PDZD2: variants seen among roughly 807,000 people sequenced by gnomAD.
The protein encoded by PDZD2 is PDZ domain-containing protein 2.
PDZD2 carries 90 observed loss-of-function variants against 220.7 expected under a neutral mutation model. The ratio of observed to expected loss-of-function variants is 0.41; its 90% confidence interval spans 0.34 to 0.49. The LOEUF is 0.49. Ranked by LOEUF, PDZD2 falls within the 20% of genes least tolerant of loss-of-function variation. The probability of loss-of-function intolerance (pLI) is 0.28; values close to 1 mark genes in which losing one functional copy is unlikely to be tolerated. For synonymous variants in PDZD2, 1,375 were observed against 1,450.5 expected (o/e 0.95, Z 1.18); for missense variants, 3,174 against 3,608.5 (o/e 0.88, Z 3.08).
chr5:32,100,456 C>T (rs536190471), intron 23 of PDZD2: 54 of 237,550 alleles, frequency 2.3e-4, no homozygotes, highest in Non-Finnish European at 4.0e-4. Context: ...CACACAGAGC[C>T]GGCATCACCA....
In PDZD2 at chr5:31,639,704, G is replaced by A. The variant is rs1170868241; in HGVS notation, c.-361+267G>A. 6.6e-6 allele frequency among the ~76,000 whole-genome samples: 1 copy of A among 152,174 alleles called. No individual in the cohort carries two copies. Among genetic ancestry groups the A allele is most frequent in the African/African-American group, 2.4e-5 (1 of 41,460 alleles). Reference sequence around the variant, plus strand: ...AGACAGAGCGGGACCGAGACAGCGGGACAACCGGAGACGCACTGCCGGGGG... The same window carrying A: ...AGACAGAGCGGGACCGAGACAGCGGAACAACCGGAGACGCACTGCCGGGGG... On this transcript the variant is annotated intron_variant, in intron 1 of 24. Transcript: ENST00000438447. This position sits in a 1 kb window ranked among gnomAD's most constrained non-coding sequence, Gnocchi z 4.1.
rs1293089118 is a variant in PDZD2 at position 31,882,984 on chromosome 5, C to T, written c.476+83260C>T. Among the ~76,000 whole-genome samples the T allele has an allele frequency of 2.2e-5, 3 of 135,494 alleles. No individual in the cohort carries two copies. The East Asian group carries it at 6.7e-4, about 30-fold the overall frequency. 88.9% of individuals were successfully genotyped at this position (135,494 alleles called of 152,430 possible). A position where few individuals can be genotyped will look rare whatever the true frequency, so the allele number is the denominator to read the frequency against. On this transcript the variant is annotated intron_variant, in intron 2 of 24. Coordinates refer to ENST00000438447, the MANE Select transcript of PDZD2 (RefSeq NM_178140.4). ...GGCAGAGGTTGCAGTGAGCCAAGATCCTGCCACTGCATTCCATCCTGGGTG... is the reference window on the plus strand; with the variant it reads ...GGCAGAGGTTGCAGTGAGCCAAGATTCTGCCACTGCATTCCATCCTGGGTG...
chr5:32,093,844 G>C (rs577298953), intron 21 of PDZD2, among the ~76,000 whole-genome samples: 281 of 152,188 alleles, frequency 1.8e-3, no homozygotes, highest in Non-Finnish European at 2.0e-3. Context: ...TGGACATGGT[G>C]GTGGGTGCCT....
At chr5:32,033,366 C>G (rs1337949464) in intron 6 of PDZD2, among the ~76,000 whole-genome samples, 1 of 152,188 alleles carries the variant, frequency 6.6e-6, no homozygotes, top group African/African-American at 2.4e-5. Flanking sequence ...CTAAGCAACC[C>G]ACTTCCTGTT....
At chr5:31,878,962 A>G (rs940615041) in intron 2 of PDZD2, among the ~76,000 whole-genome samples, 15 of 152,120 alleles carry the variant, frequency 9.9e-5, no homozygotes, top group Non-Finnish European at 1.8e-4. Flanking sequence ...CTGCATAGAC[A>G]CGGCACTGTC....
intron 14 of PDZD2, among the ~76,000 whole-genome samples, chr5:32,065,069 G>T (rs930720018): frequency 6.6e-6 from 1 of 152,096 alleles, no homozygotes; most frequent in African/African-American, 2.4e-5. Context: ...GGAGGCCGAG[G>T]TGGGCAGATC....
intron 1 of PDZD2, among the ~76,000 whole-genome samples, chr5:31,690,843 T>TG (rs1168390883): frequency 6.6e-6 from 1 of 152,194 alleles, no homozygotes; most frequent in Non-Finnish European, 1.5e-5. Context: ...CATATTTTTT[T>TG]GGGGGGCCAC....
rs1375124844 is a variant in PDZD2 at position 32,053,861 on chromosome 5, A to G, written c.1878A>G (p.Ala626=). The G allele has an allele frequency of 2.5e-6, 4 of 1,602,210 alleles. No homozygotes were observed. The highest frequency in any genetic ancestry group is 2.6e-6 in the Non-Finnish European group (3 of 1,169,270). ...CCATCTTCCCAAATGGATCAGCTGC[A>G]GAGGACGGAAGACTTAAAGAAGGTA... ...VKTIFPNGSA[A]EDGRLKEGDE... is the part of the protein sequence containing the mutation. Residue 626 remains alanine, a synonymous_variant, in exon 10 of 25, where the codon GCA becomes GCG. Transcript: ENST00000438447.
chr5:31,657,268 A>G (rs956336186), intron 1 of PDZD2: 1 of 152,262 alleles, frequency 6.6e-6, no homozygotes, highest in Non-Finnish European at 1.5e-5. Context: ...TGAGGGCAAG[A>G]TGGTGCTATG....
intron 2 of PDZD2, among the ~76,000 whole-genome samples, chr5:31,972,693 A>G (rs1749413540): frequency 6.6e-6 from 1 of 152,250 alleles, no homozygotes; most frequent in South Asian, 2.1e-4. Context: ...AAGAGGAAGA[A>G]AAGTGAAATG....
At chr5:31,647,073 C>G (rs1402638261) in intron 1 of PDZD2, among the ~76,000 whole-genome samples, 2 of 152,100 alleles carry the variant, frequency 1.3e-5, no homozygotes, top group Non-Finnish European at 2.9e-5. Context: ...ATTTTTGGCA[C>G]CTGGGAGATG....
rs533944165 is a variant in PDZD2 at position 32,107,902 on chromosome 5, T to C, written c.8354-67T>C. ...ATTTTTATCACTTAAAAGTTTTTAGTTTACTTAGGATTTTTGAATACTATG... is the reference window on the plus strand; with the variant it reads ...ATTTTTATCACTTAAAAGTTTTTAGCTTACTTAGGATTTTTGAATACTATG... On this transcript the variant is annotated intron_variant, in intron 24 of 24. Transcript: ENST00000438447. The C allele has an allele frequency of 3.7e-6, 4 of 1,078,528 alleles. No homozygotes were observed. In the South Asian group the frequency reaches 6.8e-5, roughly 18 times the overall value. The allele number at this position is 1,078,528 out of a possible 1,614,324, so 66.8% of individuals were successfully genotyped here. A position where few individuals can be genotyped will look rare whatever the true frequency, so the allele number is the denominator to read the frequency against.
intron 2 of PDZD2, among the ~76,000 whole-genome samples, chr5:31,866,255 T>C (rs1285648257): frequency 6.6e-6 from 1 of 152,056 alleles, no homozygotes; most frequent in Non-Finnish European, 1.5e-5. Flanking sequence ...TGCCTCGGCC[T>C]CTGAAATTGT....
At chr5:31,790,221 C>A (rs12519463) in intron 1 of PDZD2, among the ~76,000 whole-genome samples, 54,899 of 151,828 alleles carry the variant, frequency 0.36, 11,849 homozygotes, top group East Asian at 0.59. Flanking sequence ...CCTCAGCCTC[C>A]CGAGTAGCTA....
chr5:32,042,588 A>G (rs1209296515), intron 7 of PDZD2, among the ~76,000 whole-genome samples: 2 of 152,112 alleles, frequency 1.3e-5, no homozygotes, highest in African/African-American at 4.8e-5. Context: ...AAAAAGAAAA[A>G]AAAGAATGTG....
intron 1 of PDZD2, among the ~76,000 whole-genome samples, chr5:31,773,542 T>G (rs1291211592): frequency 6.6e-6 from 1 of 151,566 alleles, no homozygotes; most frequent in Non-Finnish European, 1.5e-5. Flanking sequence ...TCCCAGCTAC[T>G]TGGAGGCTGA....
intron 3 of PDZD2, among the ~76,000 whole-genome samples, 155 bp downstream of exon 3, chr5:31,983,811 T>C (rs987913539): frequency 2.6e-5 from 4 of 152,164 alleles, no homozygotes; most frequent in African/African-American, 9.7e-5. Context: ...TTAAAAAATA[T>C]ACCTAAGATG....
rs1483807234 is a variant in PDZD2, at chr5:31,911,352, C to G, written c.477-71803C>G. 3.3e-5 allele frequency among the ~76,000 whole-genome samples: 5 copies of G among 152,206 alleles called. No homozygotes were observed. The South Asian group carries it at 1.0e-3, about 31-fold the overall frequency. ...GATAATATGAGAAACTTGTCCAGCACAATACAGAGCCTGGGGCAGTAGAGT... is the reference window on the plus strand; with the variant it reads ...GATAATATGAGAAACTTGTCCAGCAGAATACAGAGCCTGGGGCAGTAGAGT... On this transcript the variant is annotated intron_variant, in intron 2 of 24. Coordinates refer to ENST00000438447, the MANE Select transcript of PDZD2 (RefSeq NM_178140.4).
intron 24 of PDZD2, among the ~76,000 whole-genome samples, chr5:32,105,189 T>C (rs1416067425): frequency 6.6e-6 from 1 of 152,014 alleles, no homozygotes; most frequent in Non-Finnish European, 1.5e-5. Flanking sequence ...AAGAACTATA[T>C]AATTCAGTAA....
Sources: allele counts gnomAD v4.1 joint callset (sites outside exome capture counted in the v4.1 genomes callset), GRCh38; gene constraint gnomAD v4.1.1; non-coding constraint Gnocchi (gnomAD v3.1); transcripts MANE v1.5; gene names NCBI Gene and HGNC (gene_info 2026-07-23, HGNC 2026-07-21).